Variants in ZNF335 observed in about 807,000 individuals in gnomAD.
ZNF335 encodes the protein NRC-interacting factor 1.
Under a neutral mutation model 145.6 loss-of-function variants are expected in ZNF335, and 84 were observed. The ratio of observed to expected loss-of-function variants is 0.58; its 90% CI spans 0.48 to 0.69. The LOEUF is 0.69. ZNF335 is among the 30% of genes least tolerant of loss of function. ZNF335 has a pLI of 0.00. For missense variants in ZNF335, 1,865 were observed against 1,809.7 expected (o/e 1.03, Z -0.55); for synonymous variants, 761 against 717.0 (o/e 1.06, Z -0.98).
At position 45,949,204 on chromosome 20, in the gene ZNF335, A is replaced by G; in HGVS notation, c.3867T>C (p.Ala1289=). ...CTGAGTGTGCTGCAGCCTCAAGTTG[A>G]GCCTGTGTGACAAGCTGCTGGCCTG... is the stretch of plus-strand genomic sequence containing the variant. ...VSPGQQLVTQ[A]QLEAAAHSAV... is the part of the protein sequence containing the mutation. The change falls in exon 27 of 28, where the codon GCT becomes GCC. Residue 1289 remains alanine, a synonymous_variant. Coordinates refer to ENST00000322927, the MANE Select transcript of ZNF335 (RefSeq NM_022095.4). 6.2e-7 allele frequency: 1 copy of G among 1,613,834 alleles called. No individual in the cohort carries two copies. The highest frequency in any genetic ancestry group is 1.1e-5 in the South Asian group (1 of 91,062).
Position 45,957,890 on chromosome 20 carries a change from A to C in ZNF335, c.2292T>G (p.Ala764=). 6.2e-7 allele frequency: 1 copy of C among 1,614,022 alleles called. No homozygotes were observed. The highest frequency in any genetic ancestry group is 1.1e-5 in the South Asian group (1 of 91,072). The part of the protein sequence containing the change: ...PEATTFQSSE[A]PSLLCSDTLG... ...GGGTGTCAGAACAGAGCAATGAGGG[A>C]GCCTCAGATGACTGGAAAGTTGTCG... Residue 764 remains alanine (A), a synonymous_variant, in exon 16 of 28, where the codon GCT becomes GCG. Transcript: ENST00000322927.
At chr20:45,962,358 C>T (rs1568820478) in intron 9 of ZNF335, among the ~76,000 whole-genome samples, 176 bp from the exon 10 acceptor site, 2 of 152,260 alleles carry the variant, frequency 1.3e-5, no homozygotes, top group African/African-American at 4.8e-5. Flanking sequence ...CGGGGACTGT[C>T]CCCAGCGAGA....
intron 10 of ZNF335, 107 bp downstream of exon 10, chr20:45,961,963 G>T (rs553693179): frequency 2.2e-6 from 2 of 896,436 alleles, no homozygotes; most frequent in Non-Finnish European, 3.5e-6. Context: ...AAATGGGGCT[G>T]GCTCAGAGCA....
rs2084019224 is a variant in ZNF335 at position 45,969,555 on chromosome 20, G to A, written c.338C>T (p.Pro113Leu). The A allele has an allele frequency of 1.3e-6, 2 of 1,596,902 alleles. No individual in the cohort carries two copies. The highest frequency in any genetic ancestry group is 3.4e-5 in the Admixed American group (2 of 59,692). ...GTCGGACACCAGCATGTTGGGGTCT[G>A]GGAGTGCACTAGAGTGCACAAGTGC... ...PPALVHSSAL[P>L]DPNMLVSDCT... Residue 113 changes from proline to leucine, a missense_variant, in exon 3 of 28, where the codon CCA becomes CTA. Coordinates refer to ENST00000322927, the MANE Select transcript of ZNF335 (RefSeq NM_022095.4).
In ZNF335 at chr20:45,963,872, G is replaced by T; in HGVS notation, c.1221C>A (p.Ser407Arg). 6.2e-7 allele frequency: 1 copy of T among 1,608,556 alleles called. No individual in the cohort carries two copies. The highest frequency in any genetic ancestry group is 8.5e-7 in the Non-Finnish European group (1 of 1,176,550). ...TCACACCAGCTTCCACAGGGGTCCTGCTCACCTTGCCCATGGCCACCAGGT... is the reference window on the plus strand; with the variant it reads ...TCACACCAGCTTCCACAGGGGTCCTTCTCACCTTGCCCATGGCCACCAGGT... ...PGHLVAMGKV[S>R]RTPVEAGVSQ... The change falls in exon 8 of 28, where the codon AGC (serine) becomes AGA (arginine). Residue 407 changes from serine (S) to arginine (R), a missense_variant. By Grantham distance (110) the Ser-to-Arg change is moderately radical (BLOSUM62 -1). Coordinates refer to ENST00000322927, the MANE Select transcript of ZNF335 (RefSeq NM_022095.4).
At position 45,963,644 on chromosome 20, in the gene ZNF335, A is replaced by G; in HGVS notation, c.1362T>C (p.Tyr454=). The G allele has an allele frequency of 1.2e-6, 2 of 1,614,164 alleles. No homozygotes were observed. Among genetic ancestry groups the G allele is most frequent in the South Asian group, 1.1e-5 (1 of 91,086 alleles). The part of the protein sequence containing the change: ...RFLGKKYRKY[Y]YKSPKPLLRP... ...TCAAAAGTGGTTTGGGCGACTTGTA[A>G]TAGTACCTGCAGGATGAGAGTGTGG... is the stretch of plus-strand genomic sequence containing the variant. The change falls in exon 9 of 28, where the codon TAT becomes TAC. Residue 454 remains tyrosine (Y), a synonymous_variant. Coordinates refer to ENST00000322927, the MANE Select transcript of ZNF335 (RefSeq NM_022095.4).
Position 45,949,022 on chromosome 20 carries a change from C to A in ZNF335, c.3960G>T (p.Val1320=). ...GCTGCAGCTGTTGAATGTGTTCGGG[C>A]ACTGTCTCGTCTGTACCAAACAGGC... ...AQGLFGTDET[V]PEHIQQLQHQ... The change falls in exon 28 of 28, where the codon GTG becomes GTT. Residue 1320 remains valine, a synonymous_variant. Coordinates refer to ENST00000322927, the MANE Select transcript of ZNF335 (RefSeq NM_022095.4). The A allele has an allele frequency of 3.7e-6, 6 of 1,613,942 alleles. No homozygotes were observed. The highest frequency in any genetic ancestry group is 5.1e-6 in the Non-Finnish European group (6 of 1,180,024).
chr20:45,949,018 C>G lies in ZNF335; in HGVS notation c.3964G>C (p.Glu1322Gln), dbSNP rs767339054. The G allele has an allele frequency of 2.5e-6, 4 of 1,613,890 alleles. No homozygotes were observed. The highest frequency in any genetic ancestry group is 1.3e-5 in the African/African-American group (1 of 75,028). Residue 1322 changes from glutamate to glutamine, a missense_variant, in exon 28 of 28, where the codon GAA becomes CAA. Glu to Gln is a conservative substitution (Grantham distance 29). Coordinates refer to ENST00000322927, the MANE Select transcript of ZNF335 (RefSeq NM_022095.4). ...GLFGTDETVP[E>Q]HIQQLQHQGI... ...TGGTGCTGCAGCTGTTGAATGTGTT[C>G]GGGCACTGTCTCGTCTGTACCAAAC...
At chr20:45,950,130 C>A in intron 22 of ZNF335, 61 bp from the exon 23 acceptor site, 1 of 1,606,600 alleles carries the variant, frequency 6.2e-7, no homozygotes, top group Non-Finnish European at 8.5e-7. Flanking sequence ...GCCCCAGCTG[C>A]TACTGTACCC....
At chr20:45,968,384 T>TCACA (rs1466518279) in intron 3 of ZNF335, 22 bp from the exon 4 acceptor site, 1 of 1,600,780 alleles carries the variant, frequency 6.2e-7, no homozygotes, top group Non-Finnish European at 8.5e-7. Context: ...TGGGGAAGGG[T>TCACA]CACACCTCCT....
intron 9 of ZNF335, among the ~76,000 whole-genome samples, chr20:45,962,678 G>A (rs188214362): frequency 3.9e-5 from 6 of 152,246 alleles, no homozygotes; most frequent in Admixed American, 3.9e-4. Flanking sequence ...TCAGTAGAAT[G>A]GGACTATGGA....
intron 2 of ZNF335, 92 bp downstream of exon 2, chr20:45,971,118 T>A: frequency 7.0e-7 from 1 of 1,436,832 alleles, no homozygotes; most frequent in South Asian, 1.5e-5. Context: ...ACACCAAGTA[T>A]TAGCTACAAA....
In ZNF335 at chr20:45,952,220, C is replaced by T. The variant is rs777534945; in HGVS notation, c.3116G>A (p.Arg1039Gln). The T allele has an allele frequency of 5.6e-6, 9 of 1,613,116 alleles. No homozygotes were observed. In the South Asian group the frequency reaches 6.6e-5, roughly 12 times the overall value. Residue 1039 changes from arginine to glutamine, a missense_variant, in exon 20 of 28, where the codon CGG (arginine) becomes CAG (glutamine). Arg to Gln is a conservative substitution (Grantham distance 43). Transcript: ENST00000322927. ...GAAGGCACCAGGCCCAGCGTGGGCC[C>T]GCTTGTGACTCTCCATCTCAGCTCG... ...PGRAEMESHK[R>Q]AHAGPGAFKC... is the part of the protein sequence containing the mutation.
At chr20:45,970,761 T>TG (rs200073320) in intron 2 of ZNF335, among the ~76,000 whole-genome samples, 16 of 151,124 alleles carry the variant, frequency 1.1e-4, no homozygotes, top group Non-Finnish European at 1.8e-4. Context: ...TTGCGTTTTT[T>TG]TTTTTTTTTT....
At chr20:45,952,959 G>A (rs928668902) in intron 18 of ZNF335, among the ~76,000 whole-genome samples, 1 of 152,200 alleles carries the variant, frequency 6.6e-6, no homozygotes, top group East Asian at 1.9e-4. Flanking sequence ...TGGCGAGGTG[G>A]GGGGCACACA....
rs755141981 is a variant in ZNF335, at chr20:45,971,468, G to A, written c.-50-8C>T. The A allele has an allele frequency of 1.9e-6, 3 of 1,583,652 alleles. No individual in the cohort carries two copies. The highest frequency in any genetic ancestry group is 1.1e-5 in the South Asian group (1 of 89,196). ...GGGTCTGGGAACTTCACTCTGAGAA[G>A]AGAGGTGACCGTGGCTGGAACAAGT... On this transcript the variant is annotated splice_polypyrimidine_tract_variant and splice_region_variant and intron_variant, in intron 1 of 27. Coordinates refer to ENST00000322927, the MANE Select transcript of ZNF335 (RefSeq NM_022095.4).
At chr20:45,949,922 C>T in intron 23 of ZNF335, 44 bp downstream of exon 23, 1 of 1,613,722 alleles carries the variant, frequency 6.2e-7, no homozygotes, top group Non-Finnish European at 8.5e-7. Context: ...CTACCCCAAC[C>T]CCTGCCTGTC....
intron 17 of ZNF335, among the ~76,000 whole-genome samples, chr20:45,956,581 A>G (rs1160744161): frequency 6.6e-6 from 1 of 152,068 alleles, no homozygotes; most frequent in Non-Finnish European, 1.5e-5. Context: ...ACTCTACCAC[A>G]TGAGATTGGC....
At chr20:45,953,297 G>A (rs1410581275) in intron 18 of ZNF335, among the ~76,000 whole-genome samples, 1 of 152,186 alleles carries the variant, frequency 6.6e-6, no homozygotes, top group East Asian at 1.9e-4. Flanking sequence ...CTTGCTCGGA[G>A]TGTCAGAACT....
Sources: gnomAD v4.1 joint callset for allele counts (sites outside exome capture counted in the v4.1 genomes callset) on GRCh38, gnomAD v4.1.1 for gene constraint, MANE v1.5 for transcripts, NCBI Gene and HGNC (gene_info 2026-07-23, HGNC 2026-07-21) for gene names.